Variants in RIC3 observed in about 807,000 individuals in gnomAD.
RIC3 encodes protein RIC-3.
In RIC3, 28 loss-of-function variants were observed where a neutral mutation model predicts 27.3. The observed-to-expected ratio is 1.02, with a 90% CI of 0.76 to 1.41. The LOEUF is 1.41. Ranked by LOEUF, RIC3 falls within the 40% of genes most tolerant of loss-of-function variation. The probability of loss-of-function intolerance (pLI) is 0.00; values close to 1 mark genes in which losing one functional copy is unlikely to be tolerated. For synonymous variants in RIC3, 184 were observed against 160.4 expected (o/e 1.15, Z -1.11); for missense variants, 501 against 444.7 (o/e 1.13, Z -1.14).
intron 5 of RIC3, among the ~76,000 whole-genome samples, chr11:8,112,302 T>G (rs938079023): frequency 1.5e-4 from 23 of 151,426 alleles, no homozygotes; most frequent in Admixed American, 3.3e-4. Flanking sequence ...TTCTTTTTTT[T>G]TTTTTGAGAC....
chr11:8,134,063 G>A (rs188358160), intron 4 of RIC3, among the ~76,000 whole-genome samples: 47 of 151,582 alleles, frequency 3.1e-4, no homozygotes, highest in African/African-American at 9.7e-4. Flanking sequence ...TGTTACATAC[G>A]TATACACGTG....
chr11:8,169,023 G>GCCGGAA lies in RIC3; in HGVS notation c.-35_-34insTTCCGG, dbSNP rs553326402. 976 of 1,518,372 alleles carry GCCGGAA rather than the reference G, an allele frequency of 6.4e-4. 6 individuals carry two copies. In the South Asian group the frequency reaches 8.7e-3, roughly 14 times the overall value. The allele number at this position is 1,518,372 out of a possible 1,614,324, so 94.1% of individuals were successfully genotyped here. ...ACGGTGGTCGCAGGTGCAGACGCCAGCCGGAACCGGAACCGGAACCGGAGC... is the reference window on the plus strand; with the variant it reads ...ACGGTGGTCGCAGGTGCAGACGCCAGCCGGAACCGGAACCGGAACCGGAACCGGAGC... On this transcript the variant is annotated 5_prime_UTR_variant, in exon 1 of 6. Transcript: ENST00000309737.
the RIC3 span, among the ~76,000 whole-genome samples, chr11:8,100,122 A>G: frequency 6.6e-6 from 1 of 152,208 alleles, no homozygotes; most frequent in South Asian, 2.1e-4. Flanking sequence ...GGCTGTTAGA[A>G]TGATCTTGGT....
downstream of RIC3, chr11:8,101,927 A>C: frequency 5.5e-6 from 2 of 360,958 alleles, no homozygotes; most frequent in East Asian, 5.0e-5. Context: ...AAGCTGAGCA[A>C]CCTCTTCAGC....
chr11:8,147,311 G>A (rs1282694837), intron 1 of RIC3, among the ~76,000 whole-genome samples: 1 of 152,188 alleles, frequency 6.6e-6, no homozygotes, highest in Non-Finnish European at 1.5e-5. Flanking sequence ...TCTTGAGGCC[G>A]TGTCATGGGC....
intron 1 of RIC3, among the ~76,000 whole-genome samples, chr11:8,144,826 T>A (rs866742872): frequency 5.9e-5 from 9 of 152,020 alleles, no homozygotes; most frequent in South Asian, 4.2e-4. Flanking sequence ...GTGGCACATA[T>A]ATACCATGGA....
At chr11:8,120,788 T>C (rs1946355738) in intron 5 of RIC3, among the ~76,000 whole-genome samples, 2 of 151,994 alleles carry the variant, frequency 1.3e-5, no homozygotes, top group East Asian at 1.9e-4. Context: ...AGGTAACCTA[T>C]TGAGAAAAAG....
chr11:8,129,268 A>G (rs536551404), intron 4 of RIC3, among the ~76,000 whole-genome samples: 11 of 151,558 alleles, frequency 7.3e-5, no homozygotes, highest in African/African-American at 2.7e-4. Flanking sequence ...TCCCAAAACA[A>G]TTTTCCCAAG....
the RIC3 span, chr11:8,096,751 C>T: frequency 7.4e-6 from 12 of 1,614,152 alleles, no homozygotes; most frequent in Non-Finnish European, 1.0e-5. Flanking sequence ...TCCAGCTCCT[C>T]CCAGCTAAAT....
chr11:8,105,984 G>C (rs1282231766), downstream of RIC3: 1 of 152,190 alleles, frequency 6.6e-6, no homozygotes, highest in Non-Finnish European at 1.5e-5. Flanking sequence ...ATTTGCACAA[G>C]ATTGTCTTTT....
chr11:8,129,677 C>T (rs1474248498), intron 4 of RIC3, among the ~76,000 whole-genome samples: 4 of 152,158 alleles, frequency 2.6e-5, no homozygotes, highest in African/African-American at 9.7e-5. Context: ...GTTCCAAATG[C>T]AAGAGTTAAG....
intron 5 of RIC3, among the ~76,000 whole-genome samples, chr11:8,115,418 C>T (rs1945734010): frequency 6.6e-6 from 1 of 152,018 alleles, no homozygotes; most frequent in South Asian, 2.1e-4. Flanking sequence ...AGGAGCTTAT[C>T]CCCACAAGAT....
intron 5 of RIC3, among the ~76,000 whole-genome samples, chr11:8,121,328 T>C (rs940279799): frequency 1.3e-5 from 2 of 152,224 alleles, no homozygotes; most frequent in Non-Finnish European, 2.9e-5. Context: ...CTTTTTTATA[T>C]GTTTCATAGC....
chr11:8,137,170 G>A (rs1948515570), intron 4 of RIC3, among the ~76,000 whole-genome samples: 1 of 152,138 alleles, frequency 6.6e-6, no homozygotes, highest in Non-Finnish European at 1.5e-5. Flanking sequence ...GATTGCAGGT[G>A]TGCACCACCA....
In RIC3 at chr11:8,106,249, G is replaced by GTGTACTTTTTTCATAAA. The variant is rs1311517710; in HGVS notation, c.*4432_*4448dup. The GTGTACTTTTTTCATAAA allele has an allele frequency of 2.0e-5, 3 of 152,064 alleles. No individual in the cohort carries two copies. The highest frequency in any genetic ancestry group is 7.3e-5 in the African/African-American group (3 of 41,368). The allele number at this position is 152,064 out of a possible 1,614,324, so 9.4% of individuals were successfully genotyped here. On this transcript the variant is annotated 3_prime_UTR_variant, in exon 6 of 6. Coordinates refer to ENST00000309737, the MANE Select transcript of RIC3 (RefSeq NM_001206671.4). Reference sequence around the variant, plus strand: ...AAACTTGAATCGTTTCAACACTTCTGTGTACTTTTTTCATAAAGGGGAAAA... The same window carrying GTGTACTTTTTTCATAAA: ...AAACTTGAATCGTTTCAACACTTCTGTGTACTTTTTTCATAAATGTACTTTTTTCATAAAGGGGAAAA...
At chr11:8,137,631 A>G (rs1487694503) in intron 3 of RIC3, among the ~76,000 whole-genome samples, 160 bp from the exon 4 acceptor site, 2 of 152,252 alleles carry the variant, frequency 1.3e-5, no homozygotes, top group East Asian at 3.8e-4. Context: ...AATATTTAAG[A>G]TTTCCAAAAA....
At chr11:8,098,955 C>A in the RIC3 span, 2 of 1,055,218 alleles carry the variant, frequency 1.9e-6, no homozygotes, top group South Asian at 1.3e-5. Context: ...AGGGGCTATC[C>A]CATCCATCTT....
chr11:8,149,237 A>C (rs1950009342), intron 1 of RIC3, among the ~76,000 whole-genome samples: 1 of 151,550 alleles, frequency 6.6e-6, no homozygotes, highest in South Asian at 2.1e-4. Flanking sequence ...AATAAAAAAA[A>C]CAGGAGGCAA....
At chr11:8,148,582 T>C (rs994717237) in intron 1 of RIC3, among the ~76,000 whole-genome samples, 6 of 152,188 alleles carry the variant, frequency 3.9e-5, no homozygotes, top group African/African-American at 1.4e-4. Flanking sequence ...CAGAAAAGCA[T>C]TATTTTGCAT....
Sources: allele counts gnomAD v4.1 joint callset (sites outside exome capture counted in the v4.1 genomes callset), GRCh38; gene constraint gnomAD v4.1.1; transcripts MANE v1.5; gene names NCBI Gene and HGNC (gene_info 2026-07-23, HGNC 2026-07-21).